Variants in PCDH7 observed in about 807,000 individuals in gnomAD.
PCDH7 encodes the protein protocadherin 7, also known as protocadherin-7.
Under a neutral mutation model 58.9 loss-of-function variants are expected in PCDH7, and 17 were observed. The observed-to-expected ratio is 0.29, with a 90% CI of 0.20 to 0.43. The LOEUF is 0.43. PCDH7 is among the 20% of genes least tolerant of loss of function. The pLI, the probability that PCDH7 is intolerant of heterozygous loss-of-function variation, is 1.00. For synonymous variants in PCDH7, 664 were observed against 616.4 expected, an observed-to-expected ratio of 1.08 and a Z score of -1.14; for missense variants, 1,274 against 1,441.0, an observed-to-expected ratio of 0.88 and a Z score of 1.88.
intron 3 of PCDH7, among the ~76,000 whole-genome samples, chr4:31,138,399 AT>A (rs1216250975): frequency 1.6e-4 from 25 of 151,616 alleles, no homozygotes; most frequent in African/African-American, 4.8e-5. Context: ...TGCTACTCAG[AT>A]TTTTTTTTCT....
chr4:30,941,437 A>G (rs1008063584), intron 2 of PCDH7, among the ~76,000 whole-genome samples: 3 of 151,942 alleles, frequency 2.0e-5, no homozygotes, highest in Non-Finnish European at 2.9e-5. Context: ...TTTTTGACAA[A>G]AGAATGTTTC....
intron 2 of PCDH7, among the ~76,000 whole-genome samples, chr4:30,923,920 G>A (rs1743512258): frequency 6.6e-6 from 1 of 152,092 alleles, no homozygotes; most frequent in Non-Finnish European, 1.5e-5. Flanking sequence ...ACAAACATTT[G>A]ACAATGAAAA....
chr4:30,958,565 AT>A (rs986299251), intron 3 of PCDH7, among the ~76,000 whole-genome samples: 30 of 152,122 alleles, frequency 2.0e-4, no homozygotes, highest in African/African-American at 6.7e-4. Context: ...TAGAATAACA[AT>A]ATCATAAGAA....
chr4:31,041,069 C>T (rs1416177873), intron 3 of PCDH7, among the ~76,000 whole-genome samples: 1 of 152,182 alleles, frequency 6.6e-6, no homozygotes, highest in Admixed American at 6.5e-5. Flanking sequence ...AATCTCCATC[C>T]TTAAAATTCT....
chr4:30,907,608 T>C (rs948988230), intron 1 of PCDH7, among the ~76,000 whole-genome samples: 4 of 152,086 alleles, frequency 2.6e-5, no homozygotes, highest in Non-Finnish European at 4.4e-5. Context: ...CAACAGATGC[T>C]GGAGAGGATG....
intron 1 of PCDH7, among the ~76,000 whole-genome samples, chr4:30,903,613 G>A (rs1241063432): frequency 6.6e-6 from 1 of 152,042 alleles, no homozygotes; most frequent in Non-Finnish European, 1.5e-5. Context: ...AAAATGGAAA[G>A]ATTATCCTTT....
At position 31,122,356 on chromosome 4, in the gene PCDH7, C is replaced by T. The variant is rs958184628; in HGVS notation, c.*8-20117C>T. Among the ~76,000 whole-genome samples, 96 of 152,216 alleles carry T rather than the reference C, an allele frequency of 6.3e-4. 2 individuals carry two copies. Among genetic ancestry groups the T allele is most frequent in the Middle Eastern group, 3.4e-3 (1 of 292 alleles). The stretch of plus-strand genomic sequence containing the variant: ...GATAAATAAATCTCATAAGTCATTG[C>T]TAGCTTTTTTTTCAGAGAAGCAAGT... On this transcript the variant is annotated intron_variant, in intron 3 of 3. Transcript: ENST00000509759.
At chr4:31,018,322 G>T (rs1001631795) in intron 3 of PCDH7, among the ~76,000 whole-genome samples, 1 of 152,126 alleles carries the variant, frequency 6.6e-6, no homozygotes, top group East Asian at 1.9e-4. Context: ...AGAAAACCAC[G>T]ATGTTTGAAC....
intron 2 of PCDH7, among the ~76,000 whole-genome samples, chr4:30,949,683 G>T (rs1747134198): frequency 6.6e-6 from 1 of 152,078 alleles, no homozygotes; most frequent in Non-Finnish European, 1.5e-5. Context: ...AAAGGAAGGT[G>T]CATTGTGAGA....
chr4:30,807,371 T>C (rs1027478767), intron 1 of PCDH7, among the ~76,000 whole-genome samples: 3 of 152,214 alleles, frequency 2.0e-5, no homozygotes, highest in Non-Finnish European at 2.9e-5. Context: ...GCAAAACATA[T>C]TTCTCATTAT....
intron 3 of PCDH7, among the ~76,000 whole-genome samples, chr4:30,962,187 A>T (rs962928932): frequency 1.3e-5 from 2 of 152,164 alleles, no homozygotes. Context: ...AAAGACCATT[A>T]AGGTCCTAAA....
At chr4:31,130,463 G>T (rs531008091) in intron 3 of PCDH7, among the ~76,000 whole-genome samples, 6 of 152,188 alleles carry the variant, frequency 3.9e-5, no homozygotes, top group Admixed American at 3.9e-4. Flanking sequence ...TGAAATATAG[G>T]TACAAAGCAC....
intron 1 of PCDH7, among the ~76,000 whole-genome samples, chr4:30,751,821 T>C (rs1718564070): frequency 6.6e-6 from 1 of 152,150 alleles, no homozygotes; most frequent in South Asian, 2.1e-4. Context: ...TCCAGTAATA[T>C]TTACTTGTAT....
chr4:31,039,094 A>C (rs1755641517), intron 3 of PCDH7, among the ~76,000 whole-genome samples: 1 of 152,182 alleles, frequency 6.6e-6, no homozygotes, highest in Non-Finnish European at 1.5e-5. Flanking sequence ...TTCTGTAAGA[A>C]TTATCAATTC....
At chr4:30,954,330 T>A (rs987203909) in intron 3 of PCDH7, among the ~76,000 whole-genome samples, 1 of 152,152 alleles carries the variant, frequency 6.6e-6, no homozygotes, top group African/African-American at 2.4e-5. Flanking sequence ...TGAACCTATA[T>A]AATCTTAATG....
At position 31,097,410 on chromosome 4, in the gene PCDH7, C is replaced by T. The variant is rs567284249; in HGVS notation, c.*8-45063C>T. 1.4e-3 allele frequency among the ~76,000 whole-genome samples: 205 copies of T among 148,754 alleles called. 1 individual carries two copies. The highest frequency in any genetic ancestry group is 2.3e-3 in the Non-Finnish European group (158 of 67,360). ...TGGAGGTTGCAGTGAGCTGAGATCA[C>T]GCCACTCCACTCCAGCCTGCGTTGT... is the stretch of plus-strand genomic sequence containing the variant. On this transcript the variant is annotated intron_variant, in intron 3 of 3. Transcript: ENST00000509759.
chr4:30,829,539 A>G (rs1055749508), intron 1 of PCDH7, among the ~76,000 whole-genome samples: 1 of 152,062 alleles, frequency 6.6e-6, no homozygotes, highest in Admixed American at 6.6e-5. Context: ...AGAAGGTATC[A>G]GTATATCAGT....
At chr4:30,991,524 T>C (rs574238515) in intron 3 of PCDH7, among the ~76,000 whole-genome samples, 1 of 152,214 alleles carries the variant, frequency 6.6e-6, no homozygotes. Context: ...ATATTTTATT[T>C]AATCTTAATT....
At chr4:31,062,973 AAG>A (rs778548198) in intron 3 of PCDH7, among the ~76,000 whole-genome samples, 18 of 151,962 alleles carry the variant, frequency 1.2e-4, no homozygotes, top group African/African-American at 4.3e-4. Context: ...TAACTACAGA[AAG>A]AGAGAATATG....
Sources: gnomAD v4.1 joint callset for allele counts (sites outside exome capture counted in the v4.1 genomes callset) on GRCh38, gnomAD v4.1.1 for gene constraint, MANE v1.5 for transcripts, NCBI Gene and HGNC (gene_info 2026-07-23, HGNC 2026-07-21) for gene names.